The following ASIP variants were observed in gnomAD, a reference collection of about 807,000 sequenced individuals.
ASIP encodes the protein agouti-signaling protein.
Under a neutral mutation model 10.3 loss-of-function variants are expected in ASIP, and 11 were observed. The ratio of observed to expected loss-of-function variants is 1.07; its 90% CI spans 0.68 to 1.78. ASIP has a LOEUF of 1.78. Ranked by LOEUF, ASIP falls within the 40% of genes most tolerant of loss-of-function variation. The probability of loss-of-function intolerance (pLI) is 0.00; values close to 1 mark genes in which losing one functional copy is unlikely to be tolerated. For missense variants in ASIP, 180 were observed against 169.2 expected (o/e 1.06, Z -0.35); for synonymous variants, 70 against 70.8 (o/e 0.99, Z 0.06).
At chr20:34,187,115 G>T in the ASIP span, among the ~76,000 whole-genome samples, 3 of 152,202 alleles carry the variant, frequency 2.0e-5, no homozygotes, top group African/African-American at 7.2e-5. Context: ...GAAATAATTA[G>T]TAGTCTTTGG....
intron 1 of ASIP, among the ~76,000 whole-genome samples, chr20:34,249,793 A>T (rs2035444056): frequency 6.6e-6 from 1 of 152,184 alleles, no homozygotes; most frequent in Admixed American, 6.5e-5. Context: ...AAGCAACTTG[A>T]TTCAGTTTTT....
chr20:34,259,378 T>C (rs2035650001), intron 1 of ASIP, among the ~76,000 whole-genome samples: 1 of 151,926 alleles, frequency 6.6e-6, no homozygotes. Flanking sequence ...CCAGGTGTGG[T>C]GGTGGGCACC....
At chr20:34,221,052 T>C (rs550069033) in intron 1 of ASIP, among the ~76,000 whole-genome samples, 65 of 148,534 alleles carry the variant, frequency 4.4e-4, no homozygotes, top group African/African-American at 1.5e-3. Flanking sequence ...CTTGAAGAAT[T>C]TGTGGAATAT....
At chr20:34,213,902 C>A in intron 1 of ASIP, 1 of 1,586,858 alleles carries the variant, frequency 6.3e-7, no homozygotes, top group South Asian at 1.2e-5. Context: ...GCAAATCCAA[C>A]AGCATGGTTG....
intron 1 of ASIP, among the ~76,000 whole-genome samples, chr20:34,253,655 A>G (rs1286616701): frequency 6.6e-6 from 1 of 151,838 alleles, no homozygotes; most frequent in Non-Finnish European, 1.5e-5. Context: ...TATTTTTAGT[A>G]GAGACGGGTT....
upstream of ASIP, among the ~76,000 whole-genome samples, chr20:34,241,044 G>A (rs1387902248): frequency 1.3e-5 from 2 of 152,174 alleles, no homozygotes; most frequent in Non-Finnish European, 2.9e-5. Flanking sequence ...TCCACGGACA[G>A]GAAAGACGCT....
rs780836331 is a variant in ASIP at position 34,241,479 on chromosome 20, C to T, written c.-21C>T. ...GAAGTTCCTTGGCCTGGGCTCTTTG[C>T]GGGAAAGCATGTGAGTTTAGATGGC... On this transcript the variant is annotated 5_prime_UTR_variant, in exon 1 of 4. Coordinates refer to ENST00000374954, the MANE Select transcript of ASIP (RefSeq NM_001672.3). 4.8e-4 allele frequency: 470 copies of T among 985,298 alleles called. No homozygotes were observed. The highest frequency in any genetic ancestry group is 5.3e-4 in the Non-Finnish European group (436 of 829,940). The allele number at this position is 985,298 out of a possible 1,614,324, so 61.0% of individuals were successfully genotyped here.
At chr20:34,225,196 C>T (rs2035084412) in intron 1 of ASIP, among the ~76,000 whole-genome samples, 2 of 151,228 alleles carry the variant, frequency 1.3e-5, no homozygotes, top group Admixed American at 1.3e-4. Flanking sequence ...TGCGTGCCAC[C>T]ACCCCCGGCT....
chr20:34,254,551 T>G (rs819163), intron 1 of ASIP, among the ~76,000 whole-genome samples: 19,887 of 152,154 alleles, frequency 0.13, 1,394 homozygotes, highest in East Asian at 0.22. Flanking sequence ...CTGAAGACAT[T>G]TGGCAACAAA....
At chr20:34,200,288 G>A (rs2034884111) in intron 1 of ASIP, among the ~76,000 whole-genome samples, 1 of 152,156 alleles carries the variant, frequency 6.6e-6, no homozygotes, top group South Asian at 2.1e-4. Context: ...GCTGTAAAGA[G>A]GTCTTCAACA....
At chr20:34,226,978 C>T (rs1234280638) in intron 1 of ASIP, among the ~76,000 whole-genome samples, 1 of 152,178 alleles carries the variant, frequency 6.6e-6, no homozygotes, top group Non-Finnish European at 1.5e-5. Flanking sequence ...GAACTCTCTA[C>T]TGGACATTCC....
chr20:34,246,532 C>A, intron 1 of ASIP: 1 of 1,068,332 alleles, frequency 9.4e-7, no homozygotes, highest in African/African-American at 1.5e-5. Context: ...ATTCAGAAAT[C>A]TCAGCTCACT....
chr20:34,214,294 G>A, intron 1 of ASIP: 1 of 1,383,730 alleles, frequency 7.2e-7, no homozygotes, highest in South Asian at 1.2e-5. Context: ...AAAGCCATTA[G>A]TACACATGGA....
rs1473577825 is a variant in ASIP, at chr20:34,269,259, C to G, written c.*92C>G. ...TCCCTAACAGGGCGGCTTCCCAGGG[C>G]TGCAGGCGGGCGGAGGTTCCAGGAG... On this transcript the variant is annotated 3_prime_UTR_variant, in exon 4 of 4. Transcript: ENST00000374954. 2.1e-6 allele frequency: 3 copies of G among 1,398,412 alleles called. No homozygotes were observed. Among genetic ancestry groups the G allele is most frequent in the Non-Finnish European group, 2.8e-6 (3 of 1,075,568 alleles). The allele number at this position is 1,398,412 out of a possible 1,614,324, so 86.6% of individuals were successfully genotyped here.
chr20:34,204,243 G>A (rs1048965604), intron 1 of ASIP, among the ~76,000 whole-genome samples: 54 of 147,374 alleles, frequency 3.7e-4, no homozygotes, highest in African/African-American at 1.3e-3. Context: ...TTTTTGAGAC[G>A]GAGTTTTGCA....
At chr20:34,211,341 G>T (rs2034973463) in intron 1 of ASIP, among the ~76,000 whole-genome samples, 1 of 152,152 alleles carries the variant, frequency 6.6e-6, no homozygotes, top group African/African-American at 2.4e-5. Flanking sequence ...AGAATTATAG[G>T]CATGAGCCAC....
chr20:34,268,933 G>C, intron 3 of ASIP, 58 bp from the exon 4 acceptor site: 1 of 1,551,368 alleles, frequency 6.4e-7, no homozygotes. Context: ...CCAGGCAGAG[G>C]TGAGGACCGG....
intron 1 of ASIP, among the ~76,000 whole-genome samples, chr20:34,244,089 C>T (rs1029010578): frequency 3.3e-5 from 5 of 152,094 alleles, no homozygotes; most frequent in South Asian, 4.1e-4. Context: ...AACAAAAAAA[C>T]TCTCATTCAA....
chr20:34,192,565 A>G (rs1370702966), upstream of ASIP, among the ~76,000 whole-genome samples: 1 of 150,888 alleles, frequency 6.6e-6, no homozygotes, highest in African/African-American at 2.4e-5. Context: ...GATCTCCAGA[A>G]CAAAAAGCCC....
Sources: allele counts gnomAD v4.1 joint callset (sites outside exome capture counted in the v4.1 genomes callset), GRCh38; gene constraint gnomAD v4.1.1; transcripts MANE v1.5; gene names NCBI Gene and HGNC (gene_info 2026-07-23, HGNC 2026-07-21).